Variants in AP4E1 observed in about 807,000 individuals in gnomAD.
The protein encoded by AP4E1 is adaptor related protein complex 4 subunit epsilon 1, also known as AP-4 complex subunit epsilon-1.
In AP4E1, 56 loss-of-function variants were observed where a neutral mutation model predicts 128.2. The observed-to-expected ratio is 0.44, with a 90% CI of 0.35 to 0.55. The LOEUF is 0.55. Among genes scored for constraint, AP4E1 ranks in the 20% least tolerant of loss-of-function variants. The probability of loss-of-function intolerance (pLI) is 0.00; values close to 1 mark genes in which losing one functional copy is unlikely to be tolerated. For missense variants in AP4E1, 1,324 were observed against 1,307.7 expected, an observed-to-expected ratio of 1.01 and a Z score of -0.19; for synonymous variants, 484 against 473.1, an observed-to-expected ratio of 1.02 and a Z score of -0.30.
rs2064829169 is a variant in AP4E1, at chr15:50,993,473, G to C, written c.2194G>C (p.Val732Leu). The change falls in exon 17 of 21, where the codon GTT becomes CTT. Residue 732 changes from valine to leucine, a missense_variant. Physicochemically the swap from Val to Leu is conservative, Grantham distance 32. Coordinates refer to ENST00000261842, the MANE Select transcript of AP4E1 (RefSeq NM_007347.5). The part of the protein sequence containing the change: ...KTGDESGALP[V>L]PQESIMENVD... ...TGGTGATGAAAGTGGAGCTCTGCCTGTTCCTCAAGAGAGTATAATGGAGAA... is the reference window on the plus strand; with the variant it reads ...TGGTGATGAAAGTGGAGCTCTGCCTCTTCCTCAAGAGAGTATAATGGAGAA... 1 of 1,613,856 alleles carries C rather than the reference G, an allele frequency of 6.2e-7. No homozygotes were observed. Among genetic ancestry groups the C allele is most frequent in the South Asian group, 1.1e-5 (1 of 91,074 alleles).
Position 50,999,179 on chromosome 15 carries a change from T to C in AP4E1, c.3012T>C (p.Thr1004=). Residue 1004 remains threonine, a synonymous_variant, in exon 19 of 21, where the codon ACT becomes ACC. Transcript: ENST00000261842. ...AACCTTTTACAGAAGGAAATCTTACTGGTTTTATTAGTTATCATATGATGG... is the reference window on the plus strand; with the variant it reads ...AACCTTTTACAGAAGGAAATCTTACCGGTTTTATTAGTTATCATATGATGG... ...IEKPFTEGNL[T]GFISYHMMDT... The C allele has an allele frequency of 6.2e-7, 1 of 1,613,842 alleles. No individual in the cohort carries two copies. Among genetic ancestry groups the C allele is most frequent in the East Asian group, 2.2e-5 (1 of 44,846 alleles).
chr15:50,991,923 G>A (rs12909839), intron 16 of AP4E1, among the ~76,000 whole-genome samples: 31,378 of 150,186 alleles, frequency 0.21, 3,827 homozygotes, highest in East Asian at 0.45. Context: ...GACCATGACA[G>A]AGATGCTTAA....
chr15:50,993,283 G>A, intron 16 of AP4E1, 87 bp from the exon 17 acceptor site: 1 of 1,385,084 alleles, frequency 7.2e-7, no homozygotes, highest in Non-Finnish European at 1.0e-6. Context: ...AAGGCCATGG[G>A]CATTGATATG....
chr15:50,929,226 G>T, intron 6 of AP4E1, 58 bp downstream of exon 6: 1 of 1,537,298 alleles, frequency 6.5e-7, no homozygotes, highest in Non-Finnish European at 8.9e-7. Context: ...TACAATTATG[G>T]AATTAAAAAG....
In AP4E1 at chr15:50,929,166, A is replaced by G; in HGVS notation, c.700A>G (p.Lys234Glu). Residue 234 changes from lysine (K) to glutamate (E), a missense_variant and splice_region_variant, in exon 6 of 21, where the codon AAG becomes GAG. Lys to Glu is a moderately conservative substitution (Grantham distance 56). Transcript: ENST00000261842. ...ASLHIYLRMI[K>E]ENSSGYKDLT... The stretch of plus-strand genomic sequence containing the variant: ...CTTGCATATATATCTTAGAATGATT[A>G]AGGTAAGTTGGAAATTTTAGCAAGT... The G allele has an allele frequency of 6.2e-7, 1 of 1,613,632 alleles. No homozygotes were observed. Among genetic ancestry groups the G allele is most frequent in the Non-Finnish European group, 8.5e-7 (1 of 1,179,852 alleles).
At chr15:50,986,861 T>A (rs1228190133) in intron 16 of AP4E1, among the ~76,000 whole-genome samples, 6 of 152,188 alleles carry the variant, frequency 3.9e-5, no homozygotes, top group Admixed American at 3.3e-4. Flanking sequence ...TTCTATTGAT[T>A]GGAATAGTTT....
intron 17 of AP4E1, among the ~76,000 whole-genome samples, chr15:50,994,672 G>C (rs1308598728): frequency 2.0e-5 from 3 of 152,188 alleles, no homozygotes; most frequent in Non-Finnish European, 4.4e-5. Context: ...GCTGTGATGA[G>C]AGGGTGGGTA....
At chr15:50,914,740 A>G (rs141504552) in intron 2 of AP4E1, among the ~76,000 whole-genome samples, 239 of 152,106 alleles carry the variant, frequency 1.6e-3, no homozygotes, top group Non-Finnish European at 2.3e-3. Flanking sequence ...AAGATTTTCC[A>G]TAAATATTGA....
At position 50,920,411 on chromosome 15, in the gene AP4E1, CCTT is replaced by C. The variant is rs768965217; in HGVS notation, c.347-3516_347-3514del. Among the ~76,000 whole-genome samples, 3 of 145,430 alleles carry C rather than the reference CCTT, an allele frequency of 2.1e-5. No individual in the cohort carries two copies. In the Admixed American group the frequency reaches 2.1e-4, roughly 10 times the overall value. ...TACAGGCGTAAGCCACCGTGCCCGG[CCTT>C]CTTTTTTTTTTTTTGAGACAGAGTC... On this transcript the variant is annotated intron_variant, in intron 3 of 20. Transcript: ENST00000261842.
At chr15:50,978,173 G>A (rs1446478658) in intron 15 of AP4E1, among the ~76,000 whole-genome samples, 2 of 152,104 alleles carry the variant, frequency 1.3e-5, no homozygotes, top group East Asian at 3.9e-4. Flanking sequence ...TGAGATGGTG[G>A]GGAACAAACT....
intron 15 of AP4E1, among the ~76,000 whole-genome samples, chr15:50,981,926 A>G (rs2140911920): frequency 6.6e-6 from 1 of 152,140 alleles, no homozygotes; most frequent in East Asian, 1.9e-4. Flanking sequence ...TCTCTACTAA[A>G]AATACGAAAT....
chr15:50,958,062 A>G (rs1225197826), intron 13 of AP4E1, among the ~76,000 whole-genome samples: 2 of 152,158 alleles, frequency 1.3e-5, no homozygotes, highest in Non-Finnish European at 2.9e-5. Flanking sequence ...GACCACAGAC[A>G]TACTAAATCA....
In AP4E1 at chr15:50,915,531, C is replaced by A; in HGVS notation, c.306C>A (p.Ile102=). ...CTTCCTTTGGCTATATTCATGCAAT[C>A]AAGTTAGCCCAACAAGGAAACCTCT... is the stretch of plus-strand genomic sequence containing the variant. ...YDASFGYIHA[I]KLAQQGNLLE... is the part of the protein sequence containing the mutation. The change falls in exon 3 of 21, where the codon ATC becomes ATA. Residue 102 remains isoleucine (I), a synonymous_variant. Transcript: ENST00000261842. 1 of 1,613,500 alleles carries A rather than the reference C, an allele frequency of 6.2e-7. No individual in the cohort carries two copies. Among genetic ancestry groups the A allele is most frequent in the Non-Finnish European group, 8.5e-7 (1 of 1,179,718 alleles).
At chr15:50,962,026 A>G (rs879510238) in intron 14 of AP4E1, among the ~76,000 whole-genome samples, 6 of 151,768 alleles carry the variant, frequency 4.0e-5, no homozygotes, top group Non-Finnish European at 8.8e-5. Flanking sequence ...TAAATACAAT[A>G]CAATACAATA....
At chr15:50,998,419 C>T (rs2064911045) in intron 18 of AP4E1, among the ~76,000 whole-genome samples, 1 of 151,882 alleles carries the variant, frequency 6.6e-6, no homozygotes, top group Non-Finnish European at 1.5e-5. Context: ...ATCACGAGGT[C>T]AGGAGTTTGA....
At chr15:50,913,369 T>G (rs543847486) in intron 2 of AP4E1, among the ~76,000 whole-genome samples, 1 of 152,348 alleles carries the variant, frequency 6.6e-6, no homozygotes, top group African/African-American at 2.4e-5. Flanking sequence ...TTTTTATGAT[T>G]GGCATCAGTA....
In AP4E1 at chr15:51,005,012, T is replaced by A. The variant is rs932636324; in HGVS notation, c.*2350T>A. ...GATTCTCCTGCCTCAGCCTCCCTAG[T>A]AGCTGGGATTACAGGCATGCACCAC... On this transcript the variant is annotated 3_prime_UTR_variant, in exon 21 of 21. Coordinates refer to ENST00000261842, the MANE Select transcript of AP4E1 (RefSeq NM_007347.5). 12 of 152,564 alleles carry A rather than the reference T, an allele frequency of 7.9e-5. No individual in the cohort carries two copies. The highest frequency in any genetic ancestry group is 2.9e-4 in the African/African-American group (12 of 41,422). The allele number at this position is 152,564 out of a possible 1,614,324, so 9.5% of individuals were successfully genotyped here.
chr15:50,993,304 A>G, intron 16 of AP4E1, 66 bp from the exon 17 acceptor site: 1 of 1,559,724 alleles, frequency 6.4e-7, no homozygotes, highest in South Asian at 1.1e-5. Flanking sequence ...TTTTGAAAGA[A>G]TGCCTCAAGA....
intron 6 of AP4E1, among the ~76,000 whole-genome samples, chr15:50,929,463 A>G (rs1001565043): frequency 2.0e-5 from 3 of 151,894 alleles, no homozygotes; most frequent in Admixed American, 6.6e-5. Context: ...TCAAGCAGTA[A>G]TTCTCTTTTA....
Sources: allele counts gnomAD v4.1 joint callset (sites outside exome capture counted in the v4.1 genomes callset), GRCh38; gene constraint gnomAD v4.1.1; transcripts MANE v1.5; gene names NCBI Gene and HGNC (gene_info 2026-07-23, HGNC 2026-07-21).